The following TEX9 variants were observed in gnomAD, a reference collection of about 807,000 sequenced individuals.
TEX9 encodes testis expressed 9.
TEX9 carries 74 observed loss-of-function variants against 59.6 expected under a neutral mutation model. The ratio of observed to expected loss-of-function variants is 1.24; its 90% CI spans 1.03 to 1.51. TEX9 has a LOEUF of 1.51. Ranked by LOEUF, TEX9 falls within the 40% of genes most tolerant of loss-of-function variation. The probability of loss-of-function intolerance (pLI) is 0.00; values close to 1 mark genes in which losing one functional copy is unlikely to be tolerated. For missense variants in TEX9, 522 were observed against 447.8 expected, an observed-to-expected ratio of 1.17 and a Z score of -1.49; for synonymous variants, 186 against 152.2, an observed-to-expected ratio of 1.22 and a Z score of -1.64.
intron 12 of TEX9, among the ~76,000 whole-genome samples, chr15:56,432,560 C>G (rs1391261384): frequency 3.9e-5 from 6 of 152,172 alleles, no homozygotes; most frequent in Admixed American, 3.9e-4. Context: ...ACTAAGCCGA[C>G]AGCTTCATAT....
chr15:56,328,946 AATCAGTGGCTACAATGGCCCTTGGGCG>A (rs1343922383), intron 1 of TEX9, among the ~76,000 whole-genome samples: 1 of 152,132 alleles, frequency 6.6e-6, no homozygotes, highest in African/African-American at 2.4e-5. Context: ...TGTAAGTGGC[AATCAGTGGCTACAATGGCCCTTGGGCG>A]AGATCGAGTG....
At chr15:56,460,009 A>AAAAAAAAAAAAATATATATATATAT in the TEX9 span, among the ~76,000 whole-genome samples, 6 of 26,378 alleles carry the variant, frequency 2.3e-4, 1 homozygote, top group East Asian at 1.1e-3. Flanking sequence ...AAAAAAAAAA[A>AAAAAAAAAAAAATATATATATATAT]ATACATATAT....
chr15:56,260,128 C>T, intron 1 of TEX9, among the ~76,000 whole-genome samples: 1 of 152,160 alleles, frequency 6.6e-6, no homozygotes, highest in South Asian at 2.1e-4. Flanking sequence ...TTCATTAATT[C>T]TAATTGTGTA....
chr15:56,368,421 A>G (rs1374262402), intron 2 of TEX9, among the ~76,000 whole-genome samples: 2 of 152,078 alleles, frequency 1.3e-5, no homozygotes, highest in Non-Finnish European at 2.9e-5. Context: ...TGATATCAGT[A>G]TCATTCTGTC....
chr15:56,275,711 T>A (rs570001494), intron 1 of TEX9, among the ~76,000 whole-genome samples: 4 of 152,230 alleles, frequency 2.6e-5, no homozygotes, highest in Non-Finnish European at 5.9e-5. Flanking sequence ...TTTTAAATGC[T>A]CAACATTCCC....
chr15:56,307,442 C>T (rs963341112), intron 1 of TEX9, among the ~76,000 whole-genome samples: 20 of 152,112 alleles, frequency 1.3e-4, no homozygotes, highest in Non-Finnish European at 2.1e-4. Flanking sequence ...CCAGGACTGA[C>T]GAGATAAAAG....
chr15:56,383,025 T>G (rs1218485001), intron 3 of TEX9, among the ~76,000 whole-genome samples: 1 of 152,228 alleles, frequency 6.6e-6, no homozygotes, highest in African/African-American at 2.4e-5. Context: ...CAGAGCACTT[T>G]GGCCAGTAGT....
chr15:56,330,850 AAG>A (rs1339486847), intron 1 of TEX9, among the ~76,000 whole-genome samples: 1 of 152,162 alleles, frequency 6.6e-6, no homozygotes, highest in Non-Finnish European at 1.5e-5. Flanking sequence ...TTCCAATAAA[AAG>A]ACATGGAATA....
intron 1 of TEX9, among the ~76,000 whole-genome samples, chr15:56,292,926 A>G (rs565549326): frequency 6.6e-6 from 1 of 152,138 alleles, no homozygotes; most frequent in African/African-American, 2.4e-5. Context: ...TTCTTTCCCT[A>G]TGCTATCCTG....
Position 56,271,480 on chromosome 15 carries a change from C to G in TEX9, c.-107+27202C>G, listed in dbSNP as rs182089750. On this transcript the variant is annotated intron_variant, in intron 1 of 5. Coordinates refer to the TEX9 transcript ENST00000560827. ...GTAGTTCTCGTGCCATGCTTTTCCT[C>G]TCAAGATGGGGTTTCATCATGTTGG... Among the ~76,000 whole-genome samples, 87 of 152,234 alleles carry G rather than the reference C, an allele frequency of 5.7e-4. 1 individual carries two copies. Among genetic ancestry groups the G allele is most frequent in the Middle Eastern group, 3.4e-3 (1 of 294 alleles).
intron 1 of TEX9, among the ~76,000 whole-genome samples, chr15:56,268,607 G>T (rs2044447797): frequency 1.3e-5 from 2 of 151,870 alleles, no homozygotes; most frequent in African/African-American, 4.8e-5. Context: ...CTTTGGTTCT[G>T]TTTATGTGAT....
At chr15:56,394,109 T>C (rs118154131) in intron 7 of TEX9, 56 bp from the exon 8 acceptor site, 279 of 1,491,618 alleles carry the variant, frequency 1.9e-4, no homozygotes, top group Non-Finnish European at 2.4e-4. Context: ...TGTCTTACAA[T>C]TGATGTCATC....
At chr15:56,391,071 G>A (rs1230214567) in intron 6 of TEX9, among the ~76,000 whole-genome samples, 172 bp from the exon 7 acceptor site, 2 of 151,870 alleles carry the variant, frequency 1.3e-5, no homozygotes, top group African/African-American at 4.8e-5. Context: ...TGTAATAGTA[G>A]TCTCTTGTAA....
Position 56,424,376 on chromosome 15 carries a change from C to T in TEX9, c.964-3229C>T, listed in dbSNP as rs114639652. Among the ~76,000 whole-genome samples, 618 of 152,196 alleles carry T rather than the reference C, an allele frequency of 4.1e-3. 7 individuals carry two copies. Among genetic ancestry groups the T allele is most frequent in the African/African-American group, 0.014 (590 of 41,532 alleles). On this transcript the variant is annotated intron_variant, in intron 10 of 12. Coordinates refer to ENST00000352903, the Ensembl canonical transcript of TEX9. Reference sequence around the variant, plus strand: ...CTTTTTACCTTAAACCTATGCATATCTCTGGATCTAAAGTTAGTTGCATGT... The same window carrying T: ...CTTTTTACCTTAAACCTATGCATATTTCTGGATCTAAAGTTAGTTGCATGT...
At chr15:56,434,358 ATC>A in intron 12 of TEX9, 2 of 1,613,118 alleles carry the variant, frequency 1.2e-6, no homozygotes, top group Non-Finnish European at 1.7e-6. Context: ...ATCTTGCTTC[ATC>A]TCTTTTTGCT....
chr15:56,430,236 T>A (rs72742652), intron 12 of TEX9, 82 bp downstream of exon 12: 10,617 of 152,348 alleles, frequency 0.07, 464 homozygotes, highest in Non-Finnish European at 0.1. Flanking sequence ...AGACGGGGTC[T>A]CACTCTGTTG....
intron 1 of TEX9, among the ~76,000 whole-genome samples, chr15:56,354,343 T>C (rs1284349592): frequency 6.6e-6 from 1 of 152,164 alleles, no homozygotes; most frequent in Non-Finnish European, 1.5e-5. Flanking sequence ...TACTGCTTTG[T>C]CAAATAACTA....
downstream of TEX9, among the ~76,000 whole-genome samples, chr15:56,450,926 CT>C (rs2050942990): frequency 6.6e-6 from 1 of 152,092 alleles, no homozygotes; most frequent in Non-Finnish European, 1.5e-5. Context: ...TTAAAATTGC[CT>C]ATTAGATGTG....
chr15:56,404,338 C>A (rs2048961229), intron 9 of TEX9, among the ~76,000 whole-genome samples: 1 of 152,174 alleles, frequency 6.6e-6, no homozygotes, highest in Non-Finnish European at 1.5e-5. Flanking sequence ...TGAACAGACG[C>A]TTCTCAAAAG....
Sources: allele counts gnomAD v4.1 joint callset (sites outside exome capture counted in the v4.1 genomes callset), GRCh38; gene constraint gnomAD v4.1.1; transcripts MANE v1.5; gene names NCBI Gene and HGNC (gene_info 2026-07-23, HGNC 2026-07-21).